The following PPP1R9A variants were observed in gnomAD, a reference collection of about 807,000 sequenced individuals.
The protein encoded by PPP1R9A is protein phosphatase 1 regulatory subunit 9A.
Under a neutral mutation model 141.9 loss-of-function variants are expected in PPP1R9A, and 59 were observed. That is an observed-to-expected ratio of 0.42 (90% CI 0.34 to 0.52). The LOEUF (loss-of-function observed/expected upper bound fraction) is 0.52. PPP1R9A is among the 20% of genes least tolerant of loss of function. PPP1R9A has a pLI of 0.10. For synonymous variants in PPP1R9A, 500 were observed against 569.7 expected (o/e 0.88, Z 1.74); for missense variants, 1,444 against 1,611.9 (o/e 0.90, Z 1.78).
intron 3 of PPP1R9A, among the ~76,000 whole-genome samples, chr7:95,114,263 C>T (rs1324643099): frequency 6.6e-6 from 1 of 152,034 alleles, no homozygotes; most frequent in Non-Finnish European, 1.5e-5. Context: ...AATAGCAAAC[C>T]ACAGAAGAAA....
At chr7:94,942,186 C>T (rs1584318533) in intron 2 of PPP1R9A, among the ~76,000 whole-genome samples, 1 of 152,158 alleles carries the variant, frequency 6.6e-6, no homozygotes, top group East Asian at 1.9e-4. Flanking sequence ...GTCACTTGGC[C>T]TGTCACTCAG....
chr7:95,091,282 T>C (rs1160471324), intron 2 of PPP1R9A, among the ~76,000 whole-genome samples: 1 of 151,656 alleles, frequency 6.6e-6, no homozygotes, highest in Non-Finnish European at 1.5e-5. Context: ...CCTGTTAAAA[T>C]TTTATTCACA....
intron 8 of PPP1R9A, among the ~76,000 whole-genome samples, chr7:95,234,686 A>T (rs1378411191): frequency 2.0e-5 from 3 of 152,166 alleles, no homozygotes; most frequent in Non-Finnish European, 2.9e-5. Context: ...TAAAATTCAT[A>T]TGGAACCAAA....
intron 4 of PPP1R9A, among the ~76,000 whole-genome samples, chr7:95,144,406 C>T (rs1166223252): frequency 6.6e-6 from 1 of 152,114 alleles, no homozygotes; most frequent in Admixed American, 6.6e-5. Flanking sequence ...TCAACAGACA[C>T]TGGGTTTTTT....
At chr7:95,277,596 A>T (rs1397048735) in intron 16 of PPP1R9A, among the ~76,000 whole-genome samples, 1 of 149,690 alleles carries the variant, frequency 6.7e-6, no homozygotes, top group East Asian at 2.0e-4. Flanking sequence ...TGTCCAGCTT[A>T]AAAAAAAAAT....
intron 2 of PPP1R9A, among the ~76,000 whole-genome samples, chr7:95,022,743 GT>G (rs1380481033): frequency 2.0e-5 from 3 of 151,968 alleles, no homozygotes; most frequent in African/African-American, 7.3e-5. Context: ...TAATCATGTG[GT>G]TTTTTTCATT....
chr7:95,045,637 T>A (rs1468669221), intron 2 of PPP1R9A, among the ~76,000 whole-genome samples: 1 of 152,236 alleles, frequency 6.6e-6, no homozygotes, highest in Non-Finnish European at 1.5e-5. Context: ...ATTGTGAAAT[T>A]GCCTCTTTTT....
intron 12 of PPP1R9A, among the ~76,000 whole-genome samples, chr7:95,255,063 T>C (rs1439591730): frequency 6.6e-6 from 1 of 152,134 alleles, no homozygotes; most frequent in Admixed American, 6.6e-5. Flanking sequence ...AAATCCATTC[T>C]AGTTTATATC....
intron 2 of PPP1R9A, among the ~76,000 whole-genome samples, chr7:95,084,293 T>A (rs1033737832): frequency 6.6e-6 from 1 of 151,978 alleles, no homozygotes; most frequent in African/African-American, 2.4e-5. Context: ...GGCAGAGAAC[T>A]TAGAAGGACA....
At chr7:95,099,605 T>C (rs1435336873) in intron 2 of PPP1R9A, among the ~76,000 whole-genome samples, 1 of 152,154 alleles carries the variant, frequency 6.6e-6, no homozygotes, top group African/African-American at 2.4e-5. Context: ...TTATGAAGGA[T>C]TTTTTTCCCT....
chr7:95,048,716 G>T (rs1003670282), intron 2 of PPP1R9A, among the ~76,000 whole-genome samples: 5 of 151,876 alleles, frequency 3.3e-5, no homozygotes, highest in Non-Finnish European at 7.4e-5. Flanking sequence ...CTAATTTTTT[G>T]TATTTTTTTT....
chr7:95,182,836 C>A (rs1563373351), intron 5 of PPP1R9A, among the ~76,000 whole-genome samples: 1 of 151,986 alleles, frequency 6.6e-6, no homozygotes, highest in Non-Finnish European at 1.5e-5. Context: ...GCAAGGATTT[C>A]AAAAAAACTA....
At chr7:95,045,507 C>CT (rs923694407) in intron 2 of PPP1R9A, among the ~76,000 whole-genome samples, 1 of 152,208 alleles carries the variant, frequency 6.6e-6, no homozygotes, top group Non-Finnish European at 1.5e-5. Flanking sequence ...GCTTTCTTCC[C>CT]TTTTTCAGTG....
intron 5 of PPP1R9A, among the ~76,000 whole-genome samples, chr7:95,171,853 G>A (rs1338953942): frequency 3.3e-5 from 5 of 151,556 alleles, no homozygotes; most frequent in South Asian, 2.1e-4. Flanking sequence ...TTTTTAAAAG[G>A]CATTAAAATA....
chr7:94,975,899 T>A (rs756262594), intron 2 of PPP1R9A, among the ~76,000 whole-genome samples: 1 of 152,198 alleles, frequency 6.6e-6, no homozygotes, highest in Non-Finnish European at 1.5e-5. Flanking sequence ...TTCAGGTTAT[T>A]CATTCCCCTA....
chr7:95,247,644 A>G (rs1378710810), intron 9 of PPP1R9A, 118 bp downstream of exon 9: 2 of 825,980 alleles, frequency 2.4e-6, no homozygotes, highest in African/African-American at 3.5e-5. Context: ...CAAATGTGAT[A>G]GATTCATTTT....
chr7:95,040,158 C>G (rs949322082), intron 2 of PPP1R9A, among the ~76,000 whole-genome samples: 10 of 151,998 alleles, frequency 6.6e-5, no homozygotes, highest in Non-Finnish European at 2.9e-5. Flanking sequence ...TTTTAAACAC[C>G]TACCATATAG....
intron 16 of PPP1R9A, among the ~76,000 whole-genome samples, chr7:95,282,864 CAAT>C (rs1804540105): frequency 6.6e-6 from 1 of 152,116 alleles, no homozygotes; most frequent in Non-Finnish European, 1.5e-5. Flanking sequence ...TCGATCCTCA[CAAT>C]AATATTTGCA....
intron 5 of PPP1R9A, among the ~76,000 whole-genome samples, chr7:95,165,516 A>G (rs7806202): frequency 0.28 from 43,267 of 152,190 alleles, 7,567 homozygotes; most frequent in Middle Eastern, 0.43. Flanking sequence ...CAACTGGTTG[A>G]ATTTTGTGAG....
Sources: gnomAD v4.1 joint callset for allele counts (sites outside exome capture counted in the v4.1 genomes callset) on GRCh38, gnomAD v4.1.1 for gene constraint, MANE v1.5 for transcripts, NCBI Gene and HGNC (gene_info 2026-07-23, HGNC 2026-07-21) for gene names.